FAM153A: variants seen among roughly 807,000 people sequenced by gnomAD.
FAM153A encodes family with sequence similarity 153 member A.
Under a neutral mutation model 48.1 loss-of-function variants are expected in FAM153A, and 12 were observed. The observed-to-expected ratio is 0.25, with a 90% confidence interval of 0.16 to 0.40. The LOEUF is 0.40. FAM153A is among the 10% of genes least tolerant of loss of function. FAM153A has a pLI of 1.00. For missense variants in FAM153A, 111 were observed against 345.8 expected (o/e 0.32, Z 5.38); for synonymous variants, 36 against 118.2 (o/e 0.30, Z 4.51).
intron 9 of FAM153A, 177 bp downstream of exon 11, chr5:177,739,423 A>G (rs1023617853): frequency 4.1e-6 from 2 of 492,446 alleles, no homozygotes; most frequent in Admixed American, 7.5e-5. Context: ...TATGAATGCC[A>G]TCTTCAATCA....
chr5:177,768,421 C>T (rs1434764900), intron 1 of FAM153A, among the ~76,000 whole-genome samples: 1 of 150,464 alleles, frequency 6.6e-6, no homozygotes, highest in Non-Finnish European at 1.5e-5. Context: ...CTGAATGAGA[C>T]AGAAGATCTC....
chr5:177,699,397 C>T, the FAM153A span, among the ~76,000 whole-genome samples: 1 of 151,208 alleles, frequency 6.6e-6, no homozygotes, highest in Non-Finnish European at 1.5e-5. Flanking sequence ...TAAAGGAAAC[C>T]AGAAGTTGGT....
chr5:177,760,337 C>T (rs1246154437), intron 1 of FAM153A, among the ~76,000 whole-genome samples: 2 of 87,732 alleles, frequency 2.3e-5, no homozygotes, highest in African/African-American at 1.0e-4. Context: ...CCCAGGTTCA[C>T]GCCATTCTCC....
At chr5:177,713,416 A>G (rs559860267) in intron 26 of FAM153A, among the ~76,000 whole-genome samples, 4 of 150,344 alleles carry the variant, frequency 2.7e-5, no homozygotes, top group African/African-American at 9.9e-5. Context: ...ATGCCCAGCT[A>G]ATTTTTTTTT....
chr5:177,713,122 C>T (rs1280660449), exon 27 of FAM153A: 1 of 152,050 alleles, frequency 6.6e-6, no homozygotes, highest in Non-Finnish European at 1.5e-5. Flanking sequence ...CATCTTTTAA[C>T]ACCATTTCAC....
intron 1 of FAM153A, among the ~76,000 whole-genome samples, chr5:177,766,174 AAAG>A: frequency 9.3e-6 from 1 of 108,004 alleles, no homozygotes; most frequent in South Asian, 3.3e-4. Flanking sequence ...TAAAAAAAAA[AAAG>A]AAAGACAAGT....
chr5:177,696,224 T>G, the FAM153A span, among the ~76,000 whole-genome samples: 4 of 91,506 alleles, frequency 4.4e-5, no homozygotes, highest in South Asian at 4.0e-4. Flanking sequence ...TCCCAGATGA[T>G]GGGTGGCCGG....
At position 177,723,400 on chromosome 5, in the gene FAM153A, CAG is replaced by C. The variant is rs1312371667; in HGVS notation, c.*711_*712del. ...AAGATTGGAAAATATATTTAAAAAA[CAG>C]AGGCTCGCTAAATCATGTCCTCAAA... On this transcript the variant is annotated 3_prime_UTR_variant, in exon 21 of 21. Transcript: ENST00000614127. 1.2e-4 allele frequency: 17 copies of C among 136,770 alleles called. 1 individual carries two copies. The highest frequency in any genetic ancestry group is 4.1e-4 in the African/African-American group (15 of 36,764). The allele number at this position is 136,770 out of a possible 1,614,324, so 8.5% of individuals were successfully genotyped here.
intron 1 of FAM153A, among the ~76,000 whole-genome samples, chr5:177,758,713 C>G (rs1233225173): frequency 6.6e-6 from 1 of 150,878 alleles, no homozygotes; most frequent in Non-Finnish European, 1.5e-5. Flanking sequence ...CTGACAAAAA[C>G]AAGAAATGGG....
chr5:177,694,258 G>A, the FAM153A span, among the ~76,000 whole-genome samples: 1 of 150,270 alleles, frequency 6.7e-6, no homozygotes, highest in South Asian at 2.1e-4. Flanking sequence ...TGAACCTGGT[G>A]GTGGGTCAAA....
At chr5:177,699,994 A>G in the FAM153A span, among the ~76,000 whole-genome samples, 5 of 152,036 alleles carry the variant, frequency 3.3e-5, no homozygotes, top group Non-Finnish European at 7.3e-5. Flanking sequence ...CAACATATAA[A>G]GGGATGATAT....
chr5:177,705,897 A>G (rs1383550912), downstream of FAM153A, among the ~76,000 whole-genome samples: 2 of 151,542 alleles, frequency 1.3e-5, no homozygotes, highest in Admixed American at 6.6e-5. Context: ...TGACCTCGTG[A>G]TCTGCCCGCC....
At chr5:177,738,181 CCTTCGGTTCTCA>C (rs1289392135) in intron 10 of FAM153A, among the ~76,000 whole-genome samples, 1 of 151,350 alleles carries the variant, frequency 6.6e-6, no homozygotes, top group African/African-American at 2.5e-5. Flanking sequence ...CCAAGTTTTT[CCTTCGGTTCTCA>C]TTTGGTGCTG....
At chr5:177,729,402 A>G in intron 17 of FAM153A, 83 bp downstream of exon 19, 1 of 1,344,218 alleles carries the variant, frequency 7.4e-7, no homozygotes, top group Non-Finnish European at 1.0e-6. Flanking sequence ...GTGTATGGTG[A>G]GGTGTATACA....
chr5:177,695,881 G>A, the FAM153A span, among the ~76,000 whole-genome samples: 1 of 147,736 alleles, frequency 6.8e-6, no homozygotes, highest in African/African-American at 2.6e-5. Context: ...ATGATGGGCG[G>A]CCGGGCAGAG....
chr5:177,701,912 T>C, the FAM153A span, among the ~76,000 whole-genome samples: 1 of 918 alleles, frequency 1.1e-3, no homozygotes, highest in African/African-American at 1.9e-3. Context: ...CAAAGGTCAC[T>C]TTTTTTTTTT....
chr5:177,703,195 T>G (rs570411901), downstream of FAM153A, among the ~76,000 whole-genome samples: 1 of 152,226 alleles, frequency 6.6e-6, no homozygotes, highest in African/African-American at 2.4e-5. Context: ...GGGGCAGAGT[T>G]GCCCAAGGCC....
At chr5:177,750,174 A>G (rs569389057) in intron 2 of FAM153A, 2 of 152,028 alleles carry the variant, frequency 1.3e-5, no homozygotes, top group Non-Finnish European at 2.9e-5. Flanking sequence ...CAACTCTATA[A>G]AATTCTGGAA....
At chr5:177,737,182 G>C in intron 10 of FAM153A, 70 bp from the exon 13 acceptor site, 1 of 1,429,314 alleles carries the variant, frequency 7.0e-7, no homozygotes, top group Non-Finnish European at 9.6e-7. Context: ...TTGGAGCTGT[G>C]GACACGGGGC....
Sources: gnomAD v4.1 joint callset for allele counts (sites outside exome capture counted in the v4.1 genomes callset) on GRCh38, gnomAD v4.1.1 for gene constraint, MANE v1.5 for transcripts, NCBI Gene and HGNC (gene_info 2026-07-23, HGNC 2026-07-21) for gene names.